MACROD2: variants seen among roughly 807,000 people sequenced by gnomAD.
MACROD2 encodes the protein mono-ADP ribosylhydrolase 2, also known as ADP-ribose glycohydrolase MACROD2.
In MACROD2, 36 loss-of-function variants were observed where a neutral mutation model predicts 70.4. That is an observed-to-expected ratio of 0.51 (90% CI 0.39 to 0.68). MACROD2 has a LOEUF of 0.68. MACROD2 is among the 30% of genes least tolerant of loss of function. MACROD2 has a pLI of 0.00. For synonymous variants in MACROD2, 172 were observed against 178.8 expected (o/e 0.96, Z 0.30); for missense variants, 496 against 538.4 (o/e 0.92, Z 0.78).
chr20:15,965,678 T>C (rs1486055689), intron 12 of MACROD2, among the ~76,000 whole-genome samples: 1 of 152,204 alleles, frequency 6.6e-6, no homozygotes, highest in Non-Finnish European at 1.5e-5. Context: ...TAAATCATTG[T>C]ATATTTTTAG....
intron 4 of MACROD2, among the ~76,000 whole-genome samples, chr20:14,682,040 T>A (rs894810239): frequency 1.3e-5 from 2 of 152,186 alleles, no homozygotes; most frequent in African/African-American, 4.8e-5. Context: ...GTTATTATTA[T>A]TAAATAGCTC....
chr20:14,984,120 T>TAAGCTGTGATTGGTA (rs1196885460), intron 5 of MACROD2, among the ~76,000 whole-genome samples: 1 of 152,228 alleles, frequency 6.6e-6, no homozygotes, highest in African/African-American at 2.4e-5. Context: ...ACTCCTCTGA[T>TAAGCTGTGATTGGTA]AAGCTGTGAT....
intron 6 of MACROD2, among the ~76,000 whole-genome samples, chr20:15,358,325 G>A (rs564997431): frequency 1.1e-4 from 16 of 152,246 alleles, no homozygotes; most frequent in Admixed American, 7.8e-4. Flanking sequence ...TGAACATGAA[G>A]GAGACTTAGG....
chr20:15,716,916 A>G (rs961870974), intron 8 of MACROD2, among the ~76,000 whole-genome samples: 1 of 152,196 alleles, frequency 6.6e-6, no homozygotes, highest in Non-Finnish European at 1.5e-5. Context: ...GTTGGCGACA[A>G]TGTTATGTTC....
chr20:14,123,200 C>A (rs2054606530), intron 3 of MACROD2, among the ~76,000 whole-genome samples: 1 of 152,090 alleles, frequency 6.6e-6, no homozygotes, highest in African/African-American at 2.4e-5. Flanking sequence ...CTGAATGTTA[C>A]AAAACTTTAA....
intron 4 of MACROD2, among the ~76,000 whole-genome samples, chr20:14,558,143 G>A (rs1979175145): frequency 6.6e-6 from 1 of 151,762 alleles, no homozygotes; most frequent in Non-Finnish European, 1.5e-5. Flanking sequence ...CCATTTATAT[G>A]AAATGTCTAG....
At chr20:14,999,926 A>G (rs994309687) in intron 5 of MACROD2, among the ~76,000 whole-genome samples, 1 of 152,244 alleles carries the variant, frequency 6.6e-6, no homozygotes, top group African/African-American at 2.4e-5. Flanking sequence ...AGAATAATGC[A>G]TTCAGTATGA....
chr20:15,137,717 A>AT (rs1256578598), intron 5 of MACROD2, among the ~76,000 whole-genome samples: 1 of 151,250 alleles, frequency 6.6e-6, no homozygotes, highest in Admixed American at 6.6e-5. Context: ...AATAATAATA[A>AT]AAAAAAATAA....
chr20:14,422,714 G>A (rs967864149), intron 3 of MACROD2, among the ~76,000 whole-genome samples: 2 of 152,010 alleles, frequency 1.3e-5, no homozygotes, highest in South Asian at 2.1e-4. Context: ...ATCTTTATAC[G>A]CTGTCTACCC....
chr20:14,627,609 G>T (rs1984256649), intron 4 of MACROD2, among the ~76,000 whole-genome samples: 1 of 152,168 alleles, frequency 6.6e-6, no homozygotes, highest in African/African-American at 2.4e-5. Context: ...GGAAAACTTA[G>T]AACTTTGTCC....
chr20:15,414,148 G>GCCACTTGGAGT (rs752391064), intron 6 of MACROD2, among the ~76,000 whole-genome samples: 190 of 152,210 alleles, frequency 1.2e-3, no homozygotes, highest in Admixed American at 2.8e-3. Flanking sequence ...TAAGTTTCCT[G>GCCACTTGGAGT]TAATTTGCAG....
At chr20:15,521,791 C>T (rs530905172) in intron 8 of MACROD2, among the ~76,000 whole-genome samples, 12 of 152,274 alleles carry the variant, frequency 7.9e-5, no homozygotes, top group African/African-American at 2.9e-4. Context: ...AAATAAACAG[C>T]ATTTTCAATT....
intron 3 of MACROD2, among the ~76,000 whole-genome samples, chr20:14,412,391 A>G (rs1357220904): frequency 6.6e-6 from 1 of 151,972 alleles, no homozygotes; most frequent in Non-Finnish European, 1.5e-5. Flanking sequence ...CATTCCCCCA[A>G]ATAGGCTGTT....
chr20:15,284,824 A>C (rs1859085555), intron 6 of MACROD2, among the ~76,000 whole-genome samples: 1 of 152,208 alleles, frequency 6.6e-6, no homozygotes, highest in Admixed American at 6.5e-5. Context: ...CATTTTCATC[A>C]TCTGTAAAAT....
intron 3 of MACROD2, among the ~76,000 whole-genome samples, chr20:14,312,017 A>G (rs2082571909): frequency 6.6e-6 from 1 of 152,208 alleles, no homozygotes; most frequent in Admixed American, 6.5e-5. Context: ...CTGAGTAACA[A>G]GTCATTTTCA....
chr20:15,662,231 TA>T (rs1207704621), intron 8 of MACROD2, among the ~76,000 whole-genome samples: 1 of 152,246 alleles, frequency 6.6e-6, no homozygotes, highest in African/African-American at 2.4e-5. Context: ...TTACCAATAC[TA>T]AAATGCCCTT....
rs73246795 is a variant in MACROD2, at chr20:15,837,871, T to G, written c.646-24874T>G. ...TTGTAATTTGAATCTCATGCAACTT[T>G]TGTGATACTCTTAGCCCATCATCAA... On this transcript the variant is annotated intron_variant, in intron 8 of 17. Transcript: ENST00000684519. 7.5e-3 allele frequency among the ~76,000 whole-genome samples: 1,135 copies of G among 152,252 alleles called. 12 individuals carry two copies. The highest frequency in any genetic ancestry group is 0.025 in the African/African-American group (1,052 of 41,546).
At chr20:14,152,463 G>A (rs1283162075) in intron 3 of MACROD2, among the ~76,000 whole-genome samples, 1 of 134,794 alleles carries the variant, frequency 7.4e-6, no homozygotes, top group Non-Finnish European at 1.5e-5. Flanking sequence ...GTCTCGCTCT[G>A]TTGCCCAGGC....
intron 3 of MACROD2, among the ~76,000 whole-genome samples, chr20:14,462,785 A>G (rs180975347): frequency 2.0e-5 from 3 of 152,236 alleles, no homozygotes; most frequent in Admixed American, 1.3e-4. Flanking sequence ...CAGTTGTTAA[A>G]CAGGGAATCC....
Sources: gnomAD v4.1 joint callset for allele counts (sites outside exome capture counted in the v4.1 genomes callset) on GRCh38, gnomAD v4.1.1 for gene constraint, MANE v1.5 for transcripts, NCBI Gene and HGNC (gene_info 2026-07-23, HGNC 2026-07-21) for gene names.